The following SLC25A26 variants were observed in gnomAD, a reference collection of about 807,000 sequenced individuals.
SLC25A26 encodes mitochondrial S-adenosylmethionine carrier protein.
SLC25A26 carries 36 observed loss-of-function variants against 37.8 expected under a neutral mutation model. The ratio of observed to expected loss-of-function variants is 0.95; its 90% CI spans 0.73 to 1.26. The LOEUF is 1.26. Among genes scored for constraint, SLC25A26 ranks in the 50% most tolerant of loss-of-function variants. The probability of loss-of-function intolerance (pLI) is 0.00; values close to 1 mark genes in which losing one functional copy is unlikely to be tolerated. For synonymous variants in SLC25A26, 129 were observed against 122.5 expected (o/e 1.05, Z -0.35); for missense variants, 390 against 331.1 (o/e 1.18, Z -1.38).
At chr3:66,231,754 G>A (rs1331806853) in intron 1 of SLC25A26, among the ~76,000 whole-genome samples, 2 of 126,978 alleles carry the variant, frequency 1.6e-5, no homozygotes, top group African/African-American at 5.9e-5. Context: ...ATAAGTATGG[G>A]TTTACCTCAT....
chr3:66,137,136 T>C (rs1337580625), intron 1 of SLC25A26, among the ~76,000 whole-genome samples: 2 of 152,040 alleles, frequency 1.3e-5, no homozygotes, highest in African/African-American at 2.4e-5. Flanking sequence ...TTTTCCACCA[T>C]GTGAGGATGC....
chr3:66,361,132 G>T (rs1177754179), intron 6 of SLC25A26, among the ~76,000 whole-genome samples: 2 of 152,156 alleles, frequency 1.3e-5, no homozygotes, highest in Non-Finnish European at 2.9e-5. Context: ...CAAGAGGGCA[G>T]TTCATTGGAG....
intron 2 of SLC25A26, among the ~76,000 whole-genome samples, chr3:66,241,492 C>T (rs2072582151): frequency 6.6e-6 from 1 of 152,160 alleles, no homozygotes; most frequent in Non-Finnish European, 1.5e-5. Flanking sequence ...GCGTAGGTTA[C>T]ATAGTGATGT....
chr3:66,332,534 T>G (rs1337665588), intron 5 of SLC25A26, among the ~76,000 whole-genome samples: 2 of 152,188 alleles, frequency 1.3e-5, no homozygotes, highest in African/African-American at 2.4e-5. Flanking sequence ...TTGATGATTT[T>G]CTAGAATTAG....
intron 1 of SLC25A26, among the ~76,000 whole-genome samples, chr3:66,165,941 C>T (rs568700478): frequency 5.3e-5 from 8 of 151,880 alleles, no homozygotes; most frequent in African/African-American, 1.9e-4. Flanking sequence ...CCCCACCACC[C>T]CCATCCCAAC....
At chr3:66,161,515 G>A (rs1168288212) in intron 1 of SLC25A26, among the ~76,000 whole-genome samples, 1 of 152,136 alleles carries the variant, frequency 6.6e-6, no homozygotes, top group Non-Finnish European at 1.5e-5. Context: ...ATGAATCCAG[G>A]GTCAAGTATG....
intron 1 of SLC25A26, among the ~76,000 whole-genome samples, chr3:66,227,437 A>C (rs2071810694): frequency 6.6e-6 from 1 of 152,122 alleles, no homozygotes; most frequent in Non-Finnish European, 1.5e-5. Context: ...GGTAACAACT[A>C]TTTGCTGTCT....
rs527886433 is a variant in SLC25A26 at position 66,236,570 on chromosome 3, T to G, written c.60T>G (p.Val20=). The G allele has an allele frequency of 2.7e-6, 4 of 1,484,418 alleles. No homozygotes were observed. In the African/African-American group the frequency reaches 4.1e-5, roughly 15 times the overall value. 92.0% of individuals were successfully genotyped at this position (1,484,418 alleles called of 1,614,324 possible). Reference sequence around the variant, plus strand: ...CTGGTGGGGTAGCAGGTGTTTCTGTTGACTTGATATTATTTCCTCTGGATA... The same window carrying G: ...CTGGTGGGGTAGCAGGTGTTTCTGTGGACTTGATATTATTTCCTCTGGATA... ...LVAGGVAGVS[V]DLILFPLDTI... The change falls in exon 2 of 10, where the codon GTT becomes GTG. Residue 20 remains valine, a synonymous_variant. Coordinates refer to ENST00000354883, the MANE Select transcript of SLC25A26 (RefSeq NM_001379210.1).
chr3:66,170,686 C>T (rs532615814), intron 1 of SLC25A26, among the ~76,000 whole-genome samples: 3 of 151,416 alleles, frequency 2.0e-5, no homozygotes, highest in Admixed American at 6.6e-5. Context: ...CAGAACTCTG[C>T]TATTCCATCC....
At chr3:66,332,931 T>C (rs2076010661) in intron 5 of SLC25A26, among the ~76,000 whole-genome samples, 1 of 152,198 alleles carries the variant, frequency 6.6e-6, no homozygotes, top group Non-Finnish European at 1.5e-5. Flanking sequence ...TTTCTGAGTA[T>C]CCATACATAC....
intron 5 of SLC25A26, among the ~76,000 whole-genome samples, chr3:66,290,822 G>A (rs188730343): frequency 6.1e-4 from 93 of 152,236 alleles, no homozygotes; most frequent in Middle Eastern, 3.4e-3. Flanking sequence ...GATGATGTTG[G>A]CCTCATAAAA....
chr3:66,352,846 C>T (rs2107767430), intron 6 of SLC25A26, among the ~76,000 whole-genome samples: 1 of 152,248 alleles, frequency 6.6e-6, no homozygotes, highest in South Asian at 2.1e-4. Flanking sequence ...CATGTCACCT[C>T]AGAGAGACGT....
chr3:66,349,700 CTCTAGGG>C (rs1040656641), intron 6 of SLC25A26, among the ~76,000 whole-genome samples: 2 of 152,126 alleles, frequency 1.3e-5, no homozygotes, highest in Admixed American at 1.3e-4. Flanking sequence ...GTTTTTACTT[CTCTAGGG>C]TCAGAGGCCA....
chr3:66,324,838 T>C (rs758129665), intron 5 of SLC25A26, among the ~76,000 whole-genome samples: 3 of 152,150 alleles, frequency 2.0e-5, no homozygotes, highest in Non-Finnish European at 2.9e-5. Context: ...TCTCTGTCTT[T>C]TGGGAGAAGG....
Position 66,352,421 on chromosome 3 carries a change from G to GTTTTTTTTTTTT in SLC25A26, c.498+6019_498+6020insTTTTTTTTTTTT, listed in dbSNP as rs1379958045. Among the ~76,000 whole-genome samples, 4 of 126,548 alleles carry GTTTTTTTTTTTT rather than the reference G, an allele frequency of 3.2e-5. 1 individual carries two copies. Among genetic ancestry groups the GTTTTTTTTTTTT allele is most frequent in the African/African-American group, 1.5e-4 (4 of 26,916 alleles). The allele number at this position is 126,548 out of a possible 152,430, so 83.0% of individuals were successfully genotyped here. ...GTGCTGCTGCCTAGCGCCTCCCCTC[G>GTTTTTTTTTTTT]TTTTTTGTTTTTTGTTTTTTGTTTT... On this transcript the variant is annotated intron_variant, in intron 6 of 9. Transcript: ENST00000354883.
chr3:66,167,262 T>TG (rs1337924625), intron 1 of SLC25A26, among the ~76,000 whole-genome samples: 1,755 of 152,372 alleles, frequency 0.012, 44 homozygotes, highest in African/African-American at 0.04. Flanking sequence ...CCACACGATC[T>TG]GACGTCCACT....
chr3:66,139,682 T>C lies in SLC25A26; in HGVS notation c.-354+5698T>C, dbSNP rs557295900. Among the ~76,000 whole-genome samples the C allele has an allele frequency of 5.9e-5, 9 of 152,348 alleles. No individual in the cohort carries two copies. In the East Asian group the frequency reaches 1.7e-3, roughly 29 times the overall value. ...CAGTACAGATGGTCGGCTGCAGTGT[T>C]ACACATGCATAACCTATTTAAAAGA... On this transcript the variant is annotated intron_variant, in intron 1 of 10. Transcript: ENST00000676754.
intron 2 of SLC25A26, among the ~76,000 whole-genome samples, chr3:66,241,730 A>G (rs782268367): frequency 6.6e-6 from 1 of 152,090 alleles, no homozygotes; most frequent in Non-Finnish European, 1.5e-5. Flanking sequence ...TACGGTTTTA[A>G]TCTAAGTACA....
rs190058566 is a variant in SLC25A26, at chr3:66,179,892, T to G, written c.-353-40850T>G. Reference sequence around the variant, plus strand: ...TAAATATTCATAAAATGTGCCAGATTGATGCATAGTTACAGTATCTATTTG... The same window carrying G: ...TAAATATTCATAAAATGTGCCAGATGGATGCATAGTTACAGTATCTATTTG... On this transcript the variant is annotated intron_variant, in intron 1 of 10. Coordinates refer to the SLC25A26 transcript ENST00000676754. Among the ~76,000 whole-genome samples the G allele has an allele frequency of 4.5e-3, 681 of 152,316 alleles. 3 individuals carry two copies. The highest frequency in any genetic ancestry group is 7.9e-3 in the Non-Finnish European group (537 of 68,022).
Sources: allele counts gnomAD v4.1 joint callset (sites outside exome capture counted in the v4.1 genomes callset), GRCh38; gene constraint gnomAD v4.1.1; transcripts MANE v1.5; gene names NCBI Gene and HGNC (gene_info 2026-07-23, HGNC 2026-07-21).